SCNN1D: variants seen among roughly 807,000 people sequenced by gnomAD.
SCNN1D encodes epithelial sodium channel subunit delta.
In SCNN1D, 104 loss-of-function variants were observed where a neutral mutation model predicts 87.8. The observed-to-expected ratio is 1.18, with a 90% CI of 1.01 to 1.39. The LOEUF is 1.39. Ranked by LOEUF, SCNN1D falls within the 40% of genes most tolerant of loss-of-function variation. SCNN1D has a pLI of 0.00. For missense variants in SCNN1D, 1,324 were observed against 1,093.9 expected, an observed-to-expected ratio of 1.21 and a Z score of -2.97; for synonymous variants, 628 against 481.2, an observed-to-expected ratio of 1.31 and a Z score of -3.99.
chr1:1,291,618 C>G lies in SCNN1D; in HGVS notation c.*8C>G. 1 of 1,505,142 alleles carries G rather than the reference C, an allele frequency of 6.6e-7. No homozygotes were observed. Among genetic ancestry groups the G allele is most frequent in the Non-Finnish European group, 8.9e-7 (1 of 1,122,534 alleles). 93.2% of individuals were successfully genotyped at this position (1,505,142 alleles called of 1,614,324 possible). On this transcript the variant is annotated 3_prime_UTR_variant, in exon 18 of 18. Transcript: ENST00000379116. ...GAGACTCTGGACACCTGAACCAGAC[C>G]TGCCAGGGCTGTGCGATCTCTTGGC...
intron 12 of SCNN1D, among the ~76,000 whole-genome samples, chr1:1,289,998 C>T (rs1190616162): frequency 1.9e-5 from 1 of 53,142 alleles, no homozygotes. Flanking sequence ...GTCCCTGCTC[C>T]GTCCCGTGTC....
chr1:1,286,300 G>C, intron 7 of SCNN1D, 22 bp downstream of exon 7: 1 of 1,527,632 alleles, frequency 6.5e-7, no homozygotes, highest in Non-Finnish European at 8.8e-7. Context: ...GGCTGTCGGC[G>C]GGAGGGGTGG....
rs1267571976 is a variant in SCNN1D, at chr1:1,282,269, T to C, written c.305T>C (p.Leu102Pro). The C allele has an allele frequency of 6.5e-7, 1 of 1,549,024 alleles. No homozygotes were observed. The highest frequency in any genetic ancestry group is 2.4e-5 in the East Asian group (1 of 40,916). ...TGLGDSSMAF[L>P]SRTSPVAAAS... Reference sequence around the variant, plus strand: ...CTGGGTGACTCCAGCATGGCTTTCCTCTCCAGGACGTCACCGGTGGCAGCT... The same window carrying C: ...CTGGGTGACTCCAGCATGGCTTTCCCCTCCAGGACGTCACCGGTGGCAGCT... Residue 102 changes from leucine (L) to proline (P), a missense_variant, in exon 4 of 18, where the codon CTC (leucine) becomes CCC (proline). By Grantham distance (98) the Leu-to-Pro change is moderately conservative. Coordinates refer to ENST00000379116, the MANE Select transcript of SCNN1D (RefSeq NM_001130413.4).
chr1:1,290,257 C>T lies in SCNN1D; in HGVS notation c.1663-14C>T. Reference sequence around the variant, plus strand: ...GCTCCATCCCATGTCCCTGCTCATCCCCCCTGTCCCCAGGCCTGCCTGGTG... The same window carrying T: ...GCTCCATCCCATGTCCCTGCTCATCTCCCCTGTCCCCAGGCCTGCCTGGTG... On this transcript the variant is annotated splice_polypyrimidine_tract_variant and intron_variant, in intron 12 of 17. Transcript: ENST00000379116. 5 of 1,534,808 alleles carry T rather than the reference C, an allele frequency of 3.3e-6. 2 individuals are homozygous for T. Among genetic ancestry groups the T allele is most frequent in the South Asian group, 2.5e-5 (2 of 78,578 alleles).
At chr1:1,289,999 G>A (rs1425513726) in intron 12 of SCNN1D, among the ~76,000 whole-genome samples, 2 of 42,816 alleles carry the variant, frequency 4.7e-5, no homozygotes, top group Non-Finnish European at 6.2e-5. Flanking sequence ...TCCCTGCTCC[G>A]TCCCGTGTCC....
At chr1:1,282,179 C>A in intron 3 of SCNN1D, 63 bp from the exon 4 acceptor site, 2 of 973,052 alleles carry the variant, frequency 2.1e-6, no homozygotes, top group Non-Finnish European at 1.6e-6. Flanking sequence ...AGGAAATCAG[C>A]TCAGAGAGGT....
chr1:1,283,100 G>C (rs1486387562), intron 4 of SCNN1D, among the ~76,000 whole-genome samples: 1 of 152,114 alleles, frequency 6.6e-6, no homozygotes, highest in Non-Finnish European at 1.5e-5. Flanking sequence ...GTGTGGTGTG[G>C]GTGTGGACTG....
chr1:1,291,042 C>T (rs753828816), intron 16 of SCNN1D, 23 bp from the exon 17 acceptor site: 16 of 1,609,396 alleles, frequency 9.9e-6, no homozygotes, highest in African/African-American at 4.0e-5. Context: ...GGCCAGCGCC[C>T]TCATGCCTCT....
At chr1:1,283,449 A>G (rs1259450288) in intron 4 of SCNN1D, among the ~76,000 whole-genome samples, 1 of 151,972 alleles carries the variant, frequency 6.6e-6, no homozygotes, top group East Asian at 1.9e-4. Flanking sequence ...CTGTAATCCT[A>G]GCACTTCGGG....
rs367655185 is a variant in SCNN1D, at chr1:1,281,517, G to C, written c.184G>C (p.Gly62Arg). The change falls in exon 3 of 18, where the codon GGG (glycine) becomes CGG (arginine). Residue 62 changes from glycine (G) to arginine (R), a missense_variant. Transcript: ENST00000379116. ...GCCAGCGAGGGGATGGCCCAGAAGA[G>C]GGGGAGGACCATGTGGATTCACCAG... ...TGPARGWPRR[G>R]GGPCGFTSAG... The C allele has an allele frequency of 3.3e-6, 5 of 1,535,210 alleles. No homozygotes were observed. The highest frequency in any genetic ancestry group is 2.7e-5 in the African/African-American group (2 of 73,048).
rs1454783036 is a variant in SCNN1D, at chr1:1,290,937, C to T, written c.1960C>T (p.Gln654Ter). Residue 654 changes from glutamine to a stop codon, truncating the protein, a stop_gained, in exon 16 of 18, where the codon CAG (glutamine) becomes TAG (stop). Transcript: ENST00000379116. LOFTEE classifies it high-confidence loss of function. The part of the protein sequence containing the change: ...ATLGEQGLPH[Q>*]SHRQRSSLAK... The stretch of plus-strand genomic sequence containing the variant: ...GCTAGGTGAACAGGGGCTGCCGCAT[C>T]AGAGCCACAGACAGAGGTGGGTGCA... 1 of 1,609,648 alleles carries T rather than the reference C, an allele frequency of 6.2e-7. No individual in the cohort carries two copies. Among genetic ancestry groups the T allele is most frequent in the Non-Finnish European group, 8.5e-7 (1 of 1,178,700 alleles).
intron 12 of SCNN1D, among the ~76,000 whole-genome samples, 166 bp downstream of exon 12, chr1:1,288,203 C>T (rs1190209749): frequency 1.3e-5 from 2 of 150,592 alleles, no homozygotes; most frequent in African/African-American, 2.5e-5. Context: ...GCTCCATTCC[C>T]TGTGTCTCTG....
chr1:1,291,012 C>CT, intron 16 of SCNN1D, 53 bp from the exon 17 acceptor site: 1 of 1,597,930 alleles, frequency 6.3e-7, no homozygotes, highest in Non-Finnish European at 8.5e-7. Context: ...CAAAGCCCCC[C>CT]TCCCCATCAT....
chr1:1,286,751 AG>A lies in SCNN1D; in HGVS notation c.912-14del, dbSNP rs761129931. On this transcript the variant is annotated splice_polypyrimidine_tract_variant and intron_variant, in intron 7 of 17. Coordinates refer to ENST00000379116, the MANE Select transcript of SCNN1D (RefSeq NM_001130413.4). ...GCCCCGGGCCGGCAACTCTGACTCC[AG>A]GGCCCTGCGTCCCAGGCCGAGTCCG... The A allele has an allele frequency of 1.2e-6, 2 of 1,610,528 alleles. No individual in the cohort carries two copies. Among genetic ancestry groups the A allele is most frequent in the Admixed American group, 1.7e-5 (1 of 59,924 alleles).
In SCNN1D at chr1:1,291,315, T is replaced by C; in HGVS notation, c.2114T>C (p.Leu705Pro). Reference protein sequence around the residue: ...LCSLWFGASVLSLLELLELLL... With the variant: ...LCSLWFGASVPSLLELLELLL... Reference sequence around the variant, plus strand: ...AGCCTGTGGTTTGGGGCCTCCGTCCTCTCCCTCCTGGAGCTCCTGGAGCTG... The same window carrying C: ...AGCCTGTGGTTTGGGGCCTCCGTCCCCTCCCTCCTGGAGCTCCTGGAGCTG... Residue 705 changes from leucine (L) to proline (P), a missense_variant, in exon 18 of 18, where the codon CTC (leucine) becomes CCC (proline). Transcript: ENST00000379116. The C allele has an allele frequency of 1.3e-6, 2 of 1,593,108 alleles. No homozygotes were observed. Among genetic ancestry groups the C allele is most frequent in the Non-Finnish European group, 1.7e-6 (2 of 1,171,620 alleles).
intron 3 of SCNN1D, 91 bp from the exon 4 acceptor site, chr1:1,282,151 A>C: frequency 1.3e-6 from 1 of 782,942 alleles, no homozygotes; most frequent in Non-Finnish European, 2.2e-6. Context: ...GAGGCACCCC[A>C]GCCCCATCTG....
chr1:1,287,535 C>T lies in SCNN1D; in HGVS notation c.1338C>T (p.Thr446=), dbSNP rs1204627926. ...ARQFRTFHHP[T]YGSCYTVDGV... ...AGTTCCGGACCTTCCACCACCCCAC[C>T]TACGGCAGCTGCTACACGGTCGATG... is the stretch of plus-strand genomic sequence containing the variant. The change falls in exon 10 of 18, where the codon ACC becomes ACT. Residue 446 remains threonine, a synonymous_variant. Coordinates refer to ENST00000379116, the MANE Select transcript of SCNN1D (RefSeq NM_001130413.4). The T allele has an allele frequency of 3.9e-6, 6 of 1,532,612 alleles. No homozygotes were observed. The highest frequency in any genetic ancestry group is 4.4e-6 in the Non-Finnish European group (5 of 1,137,640). The allele number at this position is 1,532,612 out of a possible 1,614,324, so 94.9% of individuals were successfully genotyped here.
At chr1:1,288,197 CA>C (rs1640651930) in intron 12 of SCNN1D, among the ~76,000 whole-genome samples, 160 bp downstream of exon 12, 5 of 150,980 alleles carry the variant, frequency 3.3e-5, no homozygotes, top group Admixed American at 6.6e-5. Context: ...GTCCCCGCTC[CA>C]TTCCCTGTGT....
At chr1:1,290,226 G>A (rs781761549) in intron 12 of SCNN1D, 45 bp from the exon 13 acceptor site, 3 of 1,412,114 alleles carry the variant, frequency 2.1e-6, no homozygotes, top group South Asian at 2.7e-5. Context: ...CGTCCCCCAT[G>A]TCTCCGCTCC....
Sources: gnomAD v4.1 joint callset for allele counts (sites outside exome capture counted in the v4.1 genomes callset) on GRCh38, gnomAD v4.1.1 for gene constraint, MANE v1.5 for transcripts, NCBI Gene and HGNC (gene_info 2026-07-23, HGNC 2026-07-21) for gene names.